Variants in ERAP2 observed in about 807,000 individuals in gnomAD.
The protein encoded by ERAP2 is leukocyte-derived arginine aminopeptidase.
A neutral mutation model predicts 111.1 loss-of-function variants in ERAP2; 118 were observed. The ratio of observed to expected loss-of-function variants is 1.06; its 90% CI spans 0.92 to 1.24. The LOEUF is 1.24. ERAP2 is among the 50% of genes most tolerant of loss of function. ERAP2 has a pLI of 0.00. For synonymous variants in ERAP2, 410 were observed against 401.2 expected, an observed-to-expected ratio of 1.02 and a Z score of -0.26; for missense variants, 1,131 against 1,125.8, an observed-to-expected ratio of 1.00 and a Z score of -0.07.
chr5:96,897,840 G>T (rs1785019712), intron 9 of ERAP2, among the ~76,000 whole-genome samples: 1 of 152,150 alleles, frequency 6.6e-6, no homozygotes, highest in Non-Finnish European at 1.5e-5. Context: ...TTTTTTACAA[G>T]CACTTGTGTC....
At chr5:96,908,680 A>T (rs1341532541) in intron 13 of ERAP2, among the ~76,000 whole-genome samples, 1 of 152,190 alleles carries the variant, frequency 6.6e-6, no homozygotes, top group Non-Finnish European at 1.5e-5. Flanking sequence ...CATTATTCTA[A>T]ATGCTTTTTA....
rs760144825 is a variant in ERAP2 at position 96,879,789 on chromosome 5, G to A, written c.104G>A (p.Cys35Tyr). The change falls in exon 2 of 19, where the codon TGT (cysteine) becomes TAT (tyrosine). Residue 35 changes from cysteine to tyrosine, a missense_variant. Cys to Tyr is a radical substitution (Grantham distance 194). This residue lies in a region of ERAP2 where 847 missense variants were observed against 856.5 expected (regional missense o/e 0.99). Coordinates refer to ENST00000437043, the MANE Select transcript of ERAP2 (RefSeq NM_022350.5). ...LTAILPQICI[C>Y]SQFSVPSSYH... ...GCCATCTTGCCCCAAATATGCATTT[G>A]TTCTCAGTTCTCAGTGCCATCTAGT... The A allele has an allele frequency of 6.2e-7, 1 of 1,614,188 alleles. No individual in the cohort carries two copies. The highest frequency in any genetic ancestry group is 1.1e-5 in the South Asian group (1 of 91,084).
rs779101347 is a variant in ERAP2, at chr5:96,895,351, C to A, written c.1231C>A (p.Leu411Met). ...CGCTGTTAATGCTACATATCCAGAG[C>A]TGCAATTTGTAAGTTCACAATTCTG... ...LIAVNATYPE[L>M]QFDDYFLNVC... The change falls in exon 7 of 19, where the codon CTG becomes ATG. Residue 411 changes from leucine (L) to methionine (M), a missense_variant. Leu to Met is a conservative substitution (Grantham distance 15, BLOSUM62 2). Coordinates refer to ENST00000437043, the MANE Select transcript of ERAP2 (RefSeq NM_022350.5). 2 of 1,603,200 alleles carry A rather than the reference C, an allele frequency of 1.2e-6. No individual in the cohort carries two copies. The highest frequency in any genetic ancestry group is 1.7e-6 in the Non-Finnish European group (2 of 1,171,438).
intron 2 of ERAP2, chr5:96,881,017 T>C (rs952833757): frequency 6.0e-6 from 1 of 166,120 alleles, no homozygotes; most frequent in Non-Finnish European, 1.3e-5. Context: ...GAGACAGTTA[T>C]GAGAACATCT....
chr5:96,899,317 T>C (rs1022515217), intron 9 of ERAP2, among the ~76,000 whole-genome samples: 2 of 152,196 alleles, frequency 1.3e-5, no homozygotes, highest in African/African-American at 4.8e-5. Flanking sequence ...CTAAAGGTCC[T>C]AGATTTTGAC....
intron 13 of ERAP2, among the ~76,000 whole-genome samples, chr5:96,904,615 T>C (rs1785838308): frequency 6.6e-6 from 1 of 152,186 alleles, no homozygotes; most frequent in South Asian, 2.1e-4. Context: ...AAAGGTGAGC[T>C]AAGAAGCAAG....
At chr5:96,910,392 CAAGTT>C (rs942414659) in intron 15 of ERAP2, 1 of 149,838 alleles carries the variant, frequency 6.7e-6, no homozygotes, top group African/African-American at 2.5e-5. Context: ...AAAAGTAATT[CAAGTT>C]TTCTTCTTTT....
chr5:96,900,304 GC>G, intron 10 of ERAP2, 115 bp downstream of exon 10: 1 of 1,427,672 alleles, frequency 7.0e-7, no homozygotes, highest in Non-Finnish European at 9.2e-7. Context: ...GAGAAAGAGA[GC>G]CCCCACGATT....
chr5:96,914,129 G>GTCTCTC (rs35052241), intron 17 of ERAP2, among the ~76,000 whole-genome samples: 79 of 146,852 alleles, frequency 5.4e-4, no homozygotes, highest in African/African-American at 1.8e-3. Context: ...ATTGCTTTCT[G>GTCTCTC]TCTCTCTCTC....
chr5:96,905,761 G>A (rs1786000303), intron 13 of ERAP2, among the ~76,000 whole-genome samples: 1 of 152,002 alleles, frequency 6.6e-6, no homozygotes, highest in African/African-American at 2.4e-5. Context: ...GTGTACGCCT[G>A]TAATCCCAGC....
chr5:96,895,894 A>G (rs1784817913), intron 7 of ERAP2, among the ~76,000 whole-genome samples: 1 of 152,164 alleles, frequency 6.6e-6, no homozygotes, highest in Non-Finnish European at 1.5e-5. Flanking sequence ...TGGGATATAT[A>G]TTTAGTCCAG....
At chr5:96,895,698 C>T (rs954240322) in intron 7 of ERAP2, among the ~76,000 whole-genome samples, 9 of 152,158 alleles carry the variant, frequency 5.9e-5, no homozygotes, top group South Asian at 2.1e-4. Flanking sequence ...AGAGAGTTCT[C>T]GGCATGTAAC....
intron 5 of ERAP2, among the ~76,000 whole-genome samples, chr5:96,889,928 G>A (rs890788503): frequency 6.6e-6 from 1 of 152,024 alleles, no homozygotes; most frequent in Non-Finnish European, 1.5e-5. Flanking sequence ...TACAAGGTCA[G>A]CAATCTTTTA....
rs761999795 is a variant in ERAP2 at position 96,883,794 on chromosome 5, T to C, written c.578T>C (p.Ile193Thr). The stretch of plus-strand genomic sequence containing the variant: ...GCTGGGGGTGGGTCTTTTCACAGAA[T>C]TCTTGCAGTAACAGATTTTGAGCCA... ...TYRTLGGETR[I>T]LAVTDFEPTQ... Residue 193 changes from isoleucine (I) to threonine (T), a missense_variant and splice_region_variant, in exon 3 of 19, where the codon ATT becomes ACT. Ile to Thr is a moderately conservative substitution (Grantham distance 89). This residue lies in a region of ERAP2 where 847 missense variants were observed against 856.5 expected (regional missense o/e 0.99). Coordinates refer to ENST00000437043, the MANE Select transcript of ERAP2 (RefSeq NM_022350.5). 1 of 1,610,524 alleles carries C rather than the reference T, an allele frequency of 6.2e-7. No individual in the cohort carries two copies. Among genetic ancestry groups the C allele is most frequent in the Non-Finnish European group, 8.5e-7 (1 of 1,178,850 alleles).
chr5:96,881,439 A>G (rs1303081595), intron 2 of ERAP2: 3 of 456,250 alleles, frequency 6.6e-6, no homozygotes, highest in Non-Finnish European at 1.3e-5. Flanking sequence ...TGCTTCATAG[A>G]GTGGACGGCT....
intron 14 of ERAP2, 91 bp downstream of exon 14, chr5:96,909,208 G>A: frequency 7.7e-7 from 1 of 1,292,522 alleles, no homozygotes; most frequent in African/African-American, 1.5e-5. Context: ...AGTCCTTGAG[G>A]TTAAATCTGG....
chr5:96,887,114 C>T (rs1783831774), intron 4 of ERAP2, among the ~76,000 whole-genome samples: 1 of 148,554 alleles, frequency 6.7e-6, no homozygotes, highest in Admixed American at 6.7e-5. Context: ...CACACACACA[C>T]ACACACACAC....
At chr5:96,910,851 T>A (rs1206613042) in intron 15 of ERAP2, among the ~76,000 whole-genome samples, 1 of 152,238 alleles carries the variant, frequency 6.6e-6, no homozygotes, top group Non-Finnish European at 1.5e-5. Context: ...TAGTTGCACA[T>A]TTCCTTTATG....
intron 13 of ERAP2, among the ~76,000 whole-genome samples, chr5:96,906,170 G>C (rs969837689): frequency 7.5e-6 from 1 of 133,072 alleles, no homozygotes; most frequent in African/African-American, 2.9e-5. Flanking sequence ...TCTTAACCAC[G>C]ACACGACACT....
Sources: gnomAD v4.1 joint callset for allele counts (sites outside exome capture counted in the v4.1 genomes callset) on GRCh38, gnomAD v4.1.1 for gene constraint, gnomAD v4.1.1 regional missense constraint, MANE v1.5 for transcripts, NCBI Gene and HGNC (gene_info 2026-07-23, HGNC 2026-07-21) for gene names.